CEP112: variants seen among roughly 807,000 people sequenced by gnomAD.
The protein encoded by CEP112 is centrosomal protein of 112 kDa.
In CEP112, 127 loss-of-function variants were observed where a neutral mutation model predicts 153.0. The ratio of observed to expected loss-of-function variants is 0.83; its 90% confidence interval spans 0.72 to 0.96. The LOEUF (loss-of-function observed/expected upper bound fraction) is 0.96. Among genes scored for constraint, CEP112 ranks in the 40% least tolerant of loss-of-function variants. The pLI is 0.00. For synonymous variants in CEP112, 358 were observed against 374.4 expected (o/e 0.96, Z 0.51); for missense variants, 1,089 against 1,101.2 (o/e 0.99, Z 0.16).
chr17:66,050,707 C>T (rs1643394756), intron 12 of CEP112, among the ~76,000 whole-genome samples: 3 of 152,060 alleles, frequency 2.0e-5, no homozygotes, highest in Admixed American at 6.5e-5. Flanking sequence ...GTTGAAGGGC[C>T]ACTTATCAGC....
intron 17 of CEP112, among the ~76,000 whole-genome samples, chr17:65,988,330 C>T (rs1346241249): frequency 2.0e-5 from 3 of 152,150 alleles, no homozygotes; most frequent in Non-Finnish European, 4.4e-5. Flanking sequence ...GCAAGGAAAA[C>T]TGAATAAATA....
intron 12 of CEP112, among the ~76,000 whole-genome samples, chr17:66,043,854 A>C (rs1483956921): frequency 6.6e-6 from 1 of 152,150 alleles, no homozygotes; most frequent in African/African-American, 2.4e-5. Context: ...AACAAAAAAG[A>C]AAAAAGCCTG....
At chr17:65,664,654 G>A (rs1331417053) in intron 24 of CEP112, among the ~76,000 whole-genome samples, 3 of 152,178 alleles carry the variant, frequency 2.0e-5, no homozygotes, top group African/African-American at 4.8e-5. Context: ...AGATGTGACC[G>A]ATGCAGCAGG....
chr17:65,878,353 C>T lies in CEP112; in HGVS notation c.2163+23799G>A, dbSNP rs28368706. ...ATATAAAGCTATTTGTCAATTATAC[C>T]CCCAATGAAGCTGAAAAAATGATGA... On this transcript the variant is annotated intron_variant, in intron 20 of 26. Coordinates refer to ENST00000535342, the MANE Select transcript of CEP112 (RefSeq NM_001199165.4). Among the ~76,000 whole-genome samples the T allele has an allele frequency of 2.9e-3, 434 of 152,058 alleles. 1 individual carries two copies. The highest frequency in any genetic ancestry group is 0.01 in the African/African-American group (417 of 41,446).
intron 14 of CEP112, 133 bp from the exon 15 acceptor site, chr17:66,028,538 G>GA: frequency 2.3e-6 from 1 of 427,404 alleles, no homozygotes; most frequent in Non-Finnish European, 4.1e-6. Flanking sequence ...AAATTTGAAT[G>GA]AAAAATGTTT....
intron 24 of CEP112, among the ~76,000 whole-genome samples, chr17:65,666,499 A>T (rs1239649281): frequency 2.0e-5 from 3 of 152,242 alleles, no homozygotes. Flanking sequence ...GGAGCACCAG[A>T]GAAAATAACT....
rs191718581 is a variant in CEP112, at chr17:65,671,750, A to G, written c.2697+17379T>C. The stretch of plus-strand genomic sequence containing the variant: ...ACTGCCCTCAGAGGAACCTTAGTCT[A>G]GTGGAAATGACAAAATATGTCCACA... On this transcript the variant is annotated intron_variant, in intron 24 of 26. Transcript: ENST00000535342. Among the ~76,000 whole-genome samples, 568 of 152,272 alleles carry G rather than the reference A, an allele frequency of 3.7e-3. 2 individuals are homozygous for G. The highest frequency in any genetic ancestry group is 7.9e-3 in the South Asian group (38 of 4,822).
In CEP112 at chr17:65,835,234, G is replaced by A. The variant is rs543658557; in HGVS notation, c.2394+16570C>T. 7.5e-5 allele frequency among the ~76,000 whole-genome samples: 11 copies of A among 147,188 alleles called. No individual in the cohort carries two copies. In the East Asian group the frequency reaches 2.2e-3, roughly 29 times the overall value. ...AAGACTTAATAGGACATCAGCAAGT[G>A]AATGAATCTCCACATAACAGAAATT... On this transcript the variant is annotated intron_variant, in intron 21 of 26. Coordinates refer to ENST00000535342, the MANE Select transcript of CEP112 (RefSeq NM_001199165.4).
intron 24 of CEP112, among the ~76,000 whole-genome samples, chr17:65,685,532 G>A (rs2144311169): frequency 6.6e-6 from 1 of 152,186 alleles, no homozygotes; most frequent in Non-Finnish European, 1.5e-5. Flanking sequence ...CTGATGTGAG[G>A]CTAGCTACTG....
intron 18 of CEP112, among the ~76,000 whole-genome samples, chr17:65,937,228 C>G (rs1395610624): frequency 8.0e-6 from 1 of 125,676 alleles, no homozygotes; most frequent in Admixed American, 9.1e-5. Context: ...AGCCTCTGCC[C>G]GGCCGCCACC....
At chr17:66,025,472 C>T (rs2065161830) in intron 16 of CEP112, among the ~76,000 whole-genome samples, 1 of 151,686 alleles carries the variant, frequency 6.6e-6, no homozygotes, top group Admixed American at 6.6e-5. Flanking sequence ...TTAATAACCC[C>T]ATTATAAAGT....
chr17:66,015,318 A>G (rs2064721572), intron 16 of CEP112, among the ~76,000 whole-genome samples: 1 of 152,178 alleles, frequency 6.6e-6, no homozygotes, highest in South Asian at 2.1e-4. Context: ...TATTGTGTAC[A>G]CAATAAATAT....
chr17:66,046,144 G>A (rs769749046), intron 12 of CEP112, among the ~76,000 whole-genome samples: 5 of 151,832 alleles, frequency 3.3e-5, no homozygotes, highest in East Asian at 3.9e-4. Context: ...CTGGGTTCAC[G>A]CCATCCTCCT....
intron 17 of CEP112, among the ~76,000 whole-genome samples, chr17:65,969,540 C>T (rs1541604): frequency 0.48 from 73,084 of 152,024 alleles, 18,560 homozygotes; most frequent in East Asian, 0.89. Context: ...ATGTATGTTA[C>T]TTAAATGAAT....
Position 65,743,100 on chromosome 17 carries a change from GCTT to G in CEP112, c.2572_2574del (p.Lys858del). On this transcript the variant is annotated inframe_deletion, in exon 23 of 27. Transcript: ENST00000535342. ...GCTTGGTCATTATCTCTAATCAGCT[GCTT>G]CTTCTCATCTTCAAACTTTTGTCTA... 1 of 1,611,844 alleles carries G rather than the reference GCTT, an allele frequency of 6.2e-7. No homozygotes were observed. The highest frequency in any genetic ancestry group is 1.7e-5 in the Admixed American group (1 of 59,750).
chr17:66,067,376 G>C (rs1376454161), intron 9 of CEP112, among the ~76,000 whole-genome samples: 1 of 152,310 alleles, frequency 6.6e-6, no homozygotes, highest in South Asian at 2.1e-4. Context: ...AAGGGAGTTA[G>C]GGATTCTTTT....
At chr17:66,004,865 G>C (rs1354547898) in intron 17 of CEP112, among the ~76,000 whole-genome samples, 1 of 152,156 alleles carries the variant, frequency 6.6e-6, no homozygotes. Flanking sequence ...GATTCTCTGG[G>C]AGTTAGCTAG....
At chr17:65,877,464 T>C (rs189585774) in intron 20 of CEP112, among the ~76,000 whole-genome samples, 96 of 152,316 alleles carry the variant, frequency 6.3e-4, no homozygotes, top group African/African-American at 2.3e-3. Flanking sequence ...ACTCTTAAAG[T>C]AGTAGCTTGC....
In CEP112 at chr17:65,962,344, T is replaced by G. The variant is rs185959482; in HGVS notation, c.1737-746A>C. On this transcript the variant is annotated intron_variant, in intron 17 of 26. Coordinates refer to ENST00000535342, the MANE Select transcript of CEP112 (RefSeq NM_001199165.4). ...AGAAGTTAATCTGCAGTGAAGTCAA[T>G]GCAACAGAGAAACATGATGGCCTAA... Among the ~76,000 whole-genome samples, 520 of 152,238 alleles carry G rather than the reference T, an allele frequency of 3.4e-3. 2 individuals carry two copies. Among genetic ancestry groups the G allele is most frequent in the African/African-American group, 0.012 (493 of 41,528 alleles).
Sources: allele counts gnomAD v4.1 joint callset (sites outside exome capture counted in the v4.1 genomes callset), GRCh38; gene constraint gnomAD v4.1.1; transcripts MANE v1.5; gene names NCBI Gene and HGNC (gene_info 2026-07-23, HGNC 2026-07-21).